Variants in LARP4B observed in about 807,000 individuals in gnomAD.
LARP4B encodes La ribonucleoprotein 4B.
Under a neutral mutation model 89.8 loss-of-function variants are expected in LARP4B, and 12 were observed. That is an observed-to-expected ratio of 0.13 (90% CI 0.09 to 0.22). The LOEUF (loss-of-function observed/expected upper bound fraction) is 0.22. LARP4B is among the 10% of genes least tolerant of loss of function. LARP4B has a pLI of 1.00. For synonymous variants in LARP4B, 367 were observed against 363.3 expected (o/e 1.01, Z -0.12); for missense variants, 757 against 947.7 (o/e 0.80, Z 2.64).
chr10:889,180 A>C (rs982052578), intron 1 of LARP4B, among the ~76,000 whole-genome samples: 1 of 152,206 alleles, frequency 6.6e-6, no homozygotes, highest in Non-Finnish European at 1.5e-5. Flanking sequence ...ACTGAGCACT[A>C]TTTGTTGTGC....
chr10:864,085 A>G (rs755800254), intron 4 of LARP4B, 38 bp downstream of exon 4: 2 of 1,612,304 alleles, frequency 1.2e-6, no homozygotes, highest in Non-Finnish European at 8.5e-7. Context: ...ACAGGCCTGA[A>G]AGCAGGGGGC....
intron 8 of LARP4B, among the ~76,000 whole-genome samples, chr10:831,843 C>T (rs776152277): frequency 7.9e-5 from 12 of 151,974 alleles, no homozygotes; most frequent in Non-Finnish European, 1.0e-4. Flanking sequence ...TTTAAAACTC[C>T]GAGCATCTCC....
intron 3 of LARP4B, among the ~76,000 whole-genome samples, chr10:869,412 G>A (rs908250043): frequency 6.6e-6 from 1 of 152,084 alleles, no homozygotes; most frequent in African/African-American, 2.4e-5. Flanking sequence ...TCAACACAGA[G>A]CTCAGGGCAT....
the LARP4B span, among the ~76,000 whole-genome samples, chr10:958,004 C>G: frequency 6.6e-6 from 1 of 151,892 alleles, no homozygotes; most frequent in African/African-American, 2.4e-5. Flanking sequence ...GCCATGTTGC[C>G]CAGACTGGTC....
At chr10:900,114 G>A (rs981756827) in intron 1 of LARP4B, among the ~76,000 whole-genome samples, 11 of 152,118 alleles carry the variant, frequency 7.2e-5, no homozygotes, top group Non-Finnish European at 2.9e-5. Context: ...GGGAGGCCGA[G>A]GCGGGTGGAT....
chr10:877,188 C>T (rs1490728489), intron 3 of LARP4B, among the ~76,000 whole-genome samples: 1 of 152,112 alleles, frequency 6.6e-6, no homozygotes, highest in Non-Finnish European at 1.5e-5. Context: ...GAAATAGCCT[C>T]GCCAACACAG....
chr10:885,319 CT>C (rs1835820507), intron 2 of LARP4B, among the ~76,000 whole-genome samples: 1 of 152,248 alleles, frequency 6.6e-6, no homozygotes, highest in South Asian at 2.1e-4. Flanking sequence ...CTGTCAACAT[CT>C]GCATTAGACT....
At chr10:931,967 G>A (rs1453444554), upstream of LARP4B, among the ~76,000 whole-genome samples, 1 of 146,192 alleles carries the variant, frequency 6.8e-6, no homozygotes, top group Admixed American at 6.8e-5. Flanking sequence ...CACGCCGCAC[G>A]TCCGCCCCGC....
At chr10:870,156 G>A (rs1835129664) in intron 3 of LARP4B, 1 of 455,442 alleles carries the variant, frequency 2.2e-6, no homozygotes, top group African/African-American at 2.1e-5. Flanking sequence ...TCACCTTCTA[G>A]AGCACCTTTT....
At position 931,684 on chromosome 10, in the gene LARP4B, T is replaced by G. The variant is rs1301518695; in HGVS notation, c.-296A>C. 6.6e-6 allele frequency: 1 copy of G among 151,698 alleles called. No homozygotes were observed. Among genetic ancestry groups the G allele is most frequent in the East Asian group, 1.9e-4 (1 of 5,160 alleles). The allele number at this position is 151,698 out of a possible 1,614,324, so 9.4% of individuals were successfully genotyped here. ...TCCAGATCCCCAACGCTCCTTCCCG[T>G]TCGCATGAGAACACACAGCTCCCAC... On this transcript the variant is annotated 5_prime_UTR_variant, in exon 1 of 18. Coordinates refer to ENST00000316157, the MANE Select transcript of LARP4B (RefSeq NM_015155.3).
chr10:839,630 A>C (rs768368515), intron 7 of LARP4B, among the ~76,000 whole-genome samples: 10 of 152,248 alleles, frequency 6.6e-5, no homozygotes, highest in Non-Finnish European at 1.3e-4. Context: ...ACATAAAATT[A>C]ACATGATTGC....
At chr10:829,979 T>C (rs182274178) in intron 9 of LARP4B, among the ~76,000 whole-genome samples, 1 of 152,272 alleles carries the variant, frequency 6.6e-6, no homozygotes, top group African/African-American at 2.4e-5. Context: ...TATTAACAGA[T>C]GCCATAGAAG....
intron 3 of LARP4B, among the ~76,000 whole-genome samples, chr10:880,615 G>A (rs1835632489): frequency 6.6e-6 from 1 of 152,128 alleles, no homozygotes; most frequent in Non-Finnish European, 1.5e-5. Flanking sequence ...GAACCCGGGA[G>A]GCAGAGGCTG....
chr10:953,797 C>T, the LARP4B span, among the ~76,000 whole-genome samples: 1 of 152,238 alleles, frequency 6.6e-6, no homozygotes, highest in Non-Finnish European at 1.5e-5. Context: ...AGGCTTCTGC[C>T]TCAGGATGTG....
At chr10:938,969 A>G in the LARP4B span, among the ~76,000 whole-genome samples, 153 of 152,270 alleles carry the variant, frequency 1.0e-3, no homozygotes, top group African/African-American at 3.6e-3. Context: ...GCGTGGTGAA[A>G]ATTGTTGAAG....
chr10:949,022 C>T, the LARP4B span, among the ~76,000 whole-genome samples: 43 of 152,358 alleles, frequency 2.8e-4, 1 homozygote, highest in East Asian at 7.1e-3. Flanking sequence ...CACCCTGGCC[C>T]GAAGTTGCCA....
At chr10:839,089 T>A (rs1383620589) in intron 7 of LARP4B, among the ~76,000 whole-genome samples, 1 of 152,214 alleles carries the variant, frequency 6.6e-6, no homozygotes, top group Non-Finnish European at 1.5e-5. Context: ...AAAAGATCAG[T>A]GGCTTCCAGT....
downstream of LARP4B, chr10:807,569 C>T (rs1176933082): frequency 4.6e-5 from 7 of 152,510 alleles, no homozygotes; most frequent in South Asian, 4.1e-4. Flanking sequence ...CTGCTCACCC[C>T]GTGCTCCGGG....
At chr10:944,405 G>C in the LARP4B span, among the ~76,000 whole-genome samples, 1 of 152,160 alleles carries the variant, frequency 6.6e-6, no homozygotes, top group Non-Finnish European at 1.5e-5. Flanking sequence ...AGGTTGGAGG[G>C]GGGATCTTGG....
Sources: allele counts gnomAD v4.1 joint callset (sites outside exome capture counted in the v4.1 genomes callset), GRCh38; gene constraint gnomAD v4.1.1; transcripts MANE v1.5; gene names NCBI Gene and HGNC (gene_info 2026-07-23, HGNC 2026-07-21).